Variants in MEI4 observed in about 807,000 individuals in gnomAD.
MEI4 encodes the protein meiotic double-stranded break formation protein 4.
MEI4 carries 27 observed loss-of-function variants against 31.4 expected under a neutral mutation model. The observed-to-expected ratio is 0.86, with a 90% CI of 0.63 to 1.19. MEI4 has a LOEUF of 1.19. MEI4 is among the 50% of genes most tolerant of loss of function. The probability of loss-of-function intolerance (pLI) is 0.00; values close to 1 mark genes in which losing one functional copy is unlikely to be tolerated. For synonymous variants in MEI4, 122 were observed against 145.4 expected, an observed-to-expected ratio of 0.84 and a Z score of 1.16; for missense variants, 329 against 398.9, an observed-to-expected ratio of 0.82 and a Z score of 1.49.
intron 2 of MEI4, among the ~76,000 whole-genome samples, chr6:77,712,997 T>A (rs1267635245): frequency 1.3e-5 from 2 of 151,788 alleles, no homozygotes; most frequent in African/African-American, 4.8e-5. Flanking sequence ...AGAAGCATTA[T>A]TGATGGAGCA....
intron 2 of MEI4, among the ~76,000 whole-genome samples, chr6:77,711,274 G>A (rs1414670524): frequency 2.0e-5 from 3 of 152,016 alleles, no homozygotes; most frequent in Non-Finnish European, 4.4e-5. Flanking sequence ...TATGTGAGGT[G>A]ATATATATGT....
intron 3 of MEI4, among the ~76,000 whole-genome samples, chr6:77,767,679 A>G (rs972768065): frequency 2.1e-5 from 3 of 141,746 alleles, no homozygotes; most frequent in African/African-American, 8.2e-5. Flanking sequence ...CCTGGGCCAC[A>G]GAGCAGGAAA....
At position 77,924,274 on chromosome 6, in the gene MEI4, A is replaced by AAGTT. The variant is rs1329942258; in HGVS notation, c.*930_*933dup. ...TTAATGATATGTGATGGTGTTTCAT[A>AAGTT]AGTTAATTAGCATTCCTAAATGTCG... On this transcript the variant is annotated 3_prime_UTR_variant, in exon 5 of 5. Transcript: ENST00000684080. The AAGTT allele has an allele frequency of 6.6e-6, 1 of 151,884 alleles. No individual in the cohort carries two copies. Among genetic ancestry groups the AAGTT allele is most frequent in the African/African-American group, 2.4e-5 (1 of 41,392 alleles). The allele number at this position is 151,884 out of a possible 1,614,324, so 9.4% of individuals were successfully genotyped here. A position where few individuals can be genotyped will look rare whatever the true frequency, so the allele number is the denominator to read the frequency against.
chr6:77,843,763 A>G (rs1288519294), intron 4 of MEI4, among the ~76,000 whole-genome samples: 1 of 152,082 alleles, frequency 6.6e-6, no homozygotes, highest in South Asian at 2.1e-4. Context: ...AAAATAAGCT[A>G]TATGTCCTTA....
intron 3 of MEI4, among the ~76,000 whole-genome samples, chr6:77,816,815 G>A (rs942252373): frequency 6.6e-6 from 1 of 152,140 alleles, no homozygotes; most frequent in Admixed American, 6.6e-5. Context: ...ACCTATGTAT[G>A]TGTTTCTAAA....
At chr6:77,665,801 T>C (rs1476582958) in intron 1 of MEI4, among the ~76,000 whole-genome samples, 1 of 151,992 alleles carries the variant, frequency 6.6e-6, no homozygotes, top group African/African-American at 2.4e-5. Flanking sequence ...AAGAAAGTGG[T>C]TGAGGGACAG....
At chr6:77,918,981 G>C (rs1194325319) in intron 4 of MEI4, among the ~76,000 whole-genome samples, 2 of 151,944 alleles carry the variant, frequency 1.3e-5, no homozygotes, top group Non-Finnish European at 2.9e-5. Context: ...AGCATGAAGG[G>C]TTGTTGAATT....
At chr6:77,793,519 T>C (rs1238931564) in intron 3 of MEI4, among the ~76,000 whole-genome samples, 1 of 152,200 alleles carries the variant, frequency 6.6e-6, no homozygotes, top group Non-Finnish European at 1.5e-5. Context: ...ATGGTGTGTA[T>C]AGGTCATTTT....
intron 4 of MEI4, among the ~76,000 whole-genome samples, chr6:77,912,572 G>C (rs1366775771): frequency 6.6e-6 from 1 of 151,908 alleles, no homozygotes; most frequent in Non-Finnish European, 1.5e-5. Context: ...AATTTTTGTA[G>C]TATTTTAAAT....
chr6:77,746,434 C>G (rs541940070), intron 2 of MEI4, among the ~76,000 whole-genome samples: 1 of 152,052 alleles, frequency 6.6e-6, no homozygotes, highest in African/African-American at 2.4e-5. Context: ...TCCTCTTGCT[C>G]GAATGCCTTG....
chr6:77,812,882 C>T (rs1050810728), intron 3 of MEI4, among the ~76,000 whole-genome samples: 8 of 151,846 alleles, frequency 5.3e-5, no homozygotes, highest in African/African-American at 1.9e-4. Flanking sequence ...GTAGAAGTAT[C>T]TCCAAAGGGG....
At position 77,841,832 on chromosome 6, in the gene MEI4, C is replaced by G. The variant is rs550929807; in HGVS notation, c.900+12770C>G. 6.6e-5 allele frequency among the ~76,000 whole-genome samples: 10 copies of G among 152,064 alleles called. No individual in the cohort carries two copies. The South Asian group carries it at 1.9e-3, about 28-fold the overall frequency. On this transcript the variant is annotated intron_variant, in intron 4 of 4. Transcript: ENST00000684080. Reference sequence around the variant, plus strand: ...AAATATATTTCTAAACAAAGAACATCAACAGGGTAAAGAGAGATATTACAT... The same window carrying G: ...AAATATATTTCTAAACAAAGAACATGAACAGGGTAAAGAGAGATATTACAT...
chr6:77,666,771 C>A (rs557533841), intron 1 of MEI4, among the ~76,000 whole-genome samples: 68 of 152,130 alleles, frequency 4.5e-4, no homozygotes, highest in Admixed American at 2.9e-3. Context: ...GTATTACTTC[C>A]TCCTGTCTCA....
chr6:77,800,277 C>A (rs547913911), intron 3 of MEI4, among the ~76,000 whole-genome samples: 2,178 of 152,078 alleles, frequency 0.014, 52 homozygotes, highest in African/African-American at 0.05. Context: ...GGAGTTCACT[C>A]ATGATTCGGC....
At chr6:77,752,597 G>T (rs1374004487) in intron 2 of MEI4, among the ~76,000 whole-genome samples, 3 of 152,080 alleles carry the variant, frequency 2.0e-5, no homozygotes, top group African/African-American at 7.2e-5. Context: ...CACTGCTTAA[G>T]GAAATAAGAG....
At chr6:77,920,982 T>A (rs2127742704) in intron 4 of MEI4, among the ~76,000 whole-genome samples, 3 of 151,990 alleles carry the variant, frequency 2.0e-5, no homozygotes. Flanking sequence ...ATTGTTGAAA[T>A]GGTAAATGTG....
intron 4 of MEI4, among the ~76,000 whole-genome samples, chr6:77,866,364 T>C (rs565447125): frequency 3.9e-5 from 6 of 152,310 alleles, no homozygotes; most frequent in African/African-American, 1.2e-4. Context: ...CTTAAGCTGA[T>C]AGGCAACTTC....
intron 2 of MEI4, among the ~76,000 whole-genome samples, chr6:77,709,924 C>T (rs968378278): frequency 6.6e-6 from 1 of 152,110 alleles, no homozygotes; most frequent in Non-Finnish European, 1.5e-5. Flanking sequence ...TATTTGTCTT[C>T]CGAGCAGAAA....
At chr6:77,674,420 A>C (rs2127646779) in intron 1 of MEI4, among the ~76,000 whole-genome samples, 1 of 152,236 alleles carries the variant, frequency 6.6e-6, no homozygotes, top group Admixed American at 6.5e-5. Flanking sequence ...TAATACTGTA[A>C]GATTATAATA....
Sources: gnomAD v4.1 joint callset for allele counts (sites outside exome capture counted in the v4.1 genomes callset) on GRCh38, gnomAD v4.1.1 for gene constraint, MANE v1.5 for transcripts, NCBI Gene and HGNC (gene_info 2026-07-23, HGNC 2026-07-21) for gene names.